The following COLGALT1 variants were observed in gnomAD, a reference collection of about 807,000 sequenced individuals.
COLGALT1 encodes the protein procollagen galactosyltransferase 1.
In COLGALT1, 43 loss-of-function variants were observed where a neutral mutation model predicts 60.8. That is an observed-to-expected ratio of 0.71 (90% CI 0.55 to 0.91). COLGALT1 has a LOEUF of 0.91. COLGALT1 is among the 40% of genes least tolerant of loss of function. The pLI, the probability that COLGALT1 is intolerant of heterozygous loss-of-function variation, is 0.00. For synonymous variants in COLGALT1, 369 were observed against 374.2 expected (o/e 0.99, Z 0.16); for missense variants, 845 against 880.0 (o/e 0.96, Z 0.50).
chr19:17,560,398 A>G lies in COLGALT1; in HGVS notation c.422A>G (p.Glu141Gly). The G allele has an allele frequency of 6.2e-7, 1 of 1,614,090 alleles. No homozygotes were observed. The highest frequency in any genetic ancestry group is 8.5e-7 in the Non-Finnish European group (1 of 1,180,010). ...AAACACTGGTCTGACTCACGCTACG[A>G]GCATGTCATGAAGTTGCGCCAGGCA... Reference protein sequence around the residue: ...GPKHWSDSRYEHVMKLRQAAL... With the variant: ...GPKHWSDSRYGHVMKLRQAAL... The change falls in exon 3 of 12, where the codon GAG becomes GGG. Residue 141 changes from glutamate to glycine, a missense_variant. Physicochemically the swap from Glu to Gly is moderately conservative, Grantham distance 98. Coordinates refer to ENST00000252599, the MANE Select transcript of COLGALT1 (RefSeq NM_024656.4).
intron 6 of COLGALT1, among the ~76,000 whole-genome samples, chr19:17,572,890 A>G (rs1202290706): frequency 6.6e-6 from 1 of 152,154 alleles, no homozygotes; most frequent in African/African-American, 2.4e-5. Context: ...AGGGGATTGC[A>G]GCAGGAGGTG....
At chr19:17,580,376 T>G in intron 10 of COLGALT1, 20 of 404,538 alleles carry the variant, frequency 4.9e-5, no homozygotes, top group East Asian at 1.0e-4. Flanking sequence ...TGCCCCCCCA[T>G]CAGGGCACCT....
intron 3 of COLGALT1, among the ~76,000 whole-genome samples, chr19:17,563,271 G>C (rs1311039754): frequency 2.2e-5 from 3 of 135,678 alleles, no homozygotes; most frequent in African/African-American, 8.5e-5. Flanking sequence ...GCTCACTGCA[G>C]CCTCCACCTC....
rs1568483085 is a variant in COLGALT1, at chr19:17,580,887, T to TGTGGG, written c.1585_1586insGGGGT (p.Phe529TrpfsTer42). On this transcript the variant is annotated frameshift_variant, in exon 11 of 12. Transcript: ENST00000252599. LOFTEE classifies it low-confidence loss of function (END_TRUNC). Reference sequence around the variant, plus strand: ...CCTGTGGACGAGTTCCTGCCCGTCATGTTCGACAAACACCCAGTGTGAGAG... The same window carrying TGTGGG: ...CCTGTGGACGAGTTCCTGCCCGTCATGTGGGGTTCGACAAACACCCAGTGTGAGAG... 1 of 1,613,866 alleles carries TGTGGG rather than the reference T, an allele frequency of 6.2e-7. No homozygotes were observed. Among genetic ancestry groups the TGTGGG allele is most frequent in the South Asian group, 1.1e-5 (1 of 91,058 alleles).
chr19:17,582,145 G>A lies in COLGALT1; in HGVS notation c.*701G>A, dbSNP rs1006460543. The A allele has an allele frequency of 6.6e-6, 1 of 152,290 alleles. No individual in the cohort carries two copies. Among genetic ancestry groups the A allele is most frequent in the Non-Finnish European group, 1.5e-5 (1 of 68,212 alleles). 9.4% of individuals were successfully genotyped at this position (152,290 alleles called of 1,614,324 possible). A position where few individuals can be genotyped will look rare whatever the true frequency, so the allele number is the denominator to read the frequency against. On this transcript the variant is annotated 3_prime_UTR_variant, in exon 12 of 12. Coordinates refer to ENST00000252599, the MANE Select transcript of COLGALT1 (RefSeq NM_024656.4). ...GCTGGTCTCGAACTCCTGACCTCAA[G>A]TGATCTGCCCGCCTTGGCCACCCAA...
chr19:17,559,797 T>G (rs1328307213), intron 2 of COLGALT1, among the ~76,000 whole-genome samples: 1 of 151,358 alleles, frequency 6.6e-6, no homozygotes. Flanking sequence ...GGGTTTTTGT[T>G]TTTTTTTTGA....
intron 1 of COLGALT1, among the ~76,000 whole-genome samples, chr19:17,558,087 G>A (rs1398741730): frequency 1.3e-5 from 2 of 151,822 alleles, no homozygotes; most frequent in Non-Finnish European, 2.9e-5. Context: ...ACAGGTGCCC[G>A]CCACCACACC....
At position 17,577,538 on chromosome 19, in the gene COLGALT1, G is replaced by A. The variant is rs578200003; in HGVS notation, c.1133+71G>A. On this transcript the variant is annotated intron_variant, in intron 8 of 11. Transcript: ENST00000252599. ...GTGGGTGTAGACCTCGCTGGTAGAC[G>A]GCAAGTGATTCAGATGGGGGCGGGC... is the stretch of plus-strand genomic sequence containing the variant. 1.9e-4 allele frequency: 252 copies of A among 1,328,852 alleles called. 2 individuals are homozygous for A. In the African/African-American group the frequency reaches 3.2e-3, roughly 17 times the overall value. The allele number at this position is 1,328,852 out of a possible 1,614,324, so 82.3% of individuals were successfully genotyped here. A position where few individuals can be genotyped will look rare whatever the true frequency, so the allele number is the denominator to read the frequency against.
At chr19:17,580,489 CCTCACGCCCTTTGGAAAAA>C (rs2076373629) in intron 10 of COLGALT1, 191 bp from the exon 11 acceptor site, 1 of 596,816 alleles carries the variant, frequency 1.7e-6, no homozygotes, top group South Asian at 2.0e-5. Flanking sequence ...TCCATGGCTC[CCTCACGCCCTTTGGAAAAA>C]CTCACTCTTC....
intron 1 of COLGALT1, among the ~76,000 whole-genome samples, chr19:17,557,479 T>C (rs1449038853): frequency 6.6e-6 from 1 of 152,132 alleles, no homozygotes; most frequent in Non-Finnish European, 1.5e-5. Context: ...TTTTTGTATT[T>C]TTAATAGAGT....
chr19:17,561,860 A>G (rs1351235903), intron 3 of COLGALT1, among the ~76,000 whole-genome samples: 1 of 151,898 alleles, frequency 6.6e-6, no homozygotes, highest in Non-Finnish European at 1.5e-5. Flanking sequence ...ATACTTTTCT[A>G]TATTCTCCTG....
At chr19:17,559,275 C>A in intron 1 of COLGALT1, 36 bp from the exon 2 acceptor site, 2 of 1,489,222 alleles carry the variant, frequency 1.3e-6, no homozygotes, top group South Asian at 1.2e-5. Context: ...CTGCCTCAGT[C>A]TCCCCAAGTA....
rs2076383820 is a variant in COLGALT1 at position 17,581,685 on chromosome 19, T to C, written c.*241T>C. ...TGGGAGGAACCAAGCCCTCTTCATC[T>C]GTTCATGTGCCCAGCATTTATTAAG... On this transcript the variant is annotated 3_prime_UTR_variant, in exon 12 of 12. Transcript: ENST00000252599. 1.7e-6 allele frequency: 1 copy of C among 577,988 alleles called. No individual in the cohort carries two copies. The highest frequency in any genetic ancestry group is 3.1e-6 in the Non-Finnish European group (1 of 325,982). 35.8% of individuals were successfully genotyped at this position (577,988 alleles called of 1,614,324 possible). A position where few individuals can be genotyped will look rare whatever the true frequency, so the allele number is the denominator to read the frequency against.
At chr19:17,557,428 G>C (rs2076219511) in intron 1 of COLGALT1, among the ~76,000 whole-genome samples, 1 of 152,022 alleles carries the variant, frequency 6.6e-6, no homozygotes, top group African/African-American at 2.4e-5. Flanking sequence ...AGCCTCCCGA[G>C]TAGCTTGGGA....
Position 17,580,659 on chromosome 19 carries a change from A to T in COLGALT1, c.1395-40A>T. On this transcript the variant is annotated intron_variant, in intron 10 of 11. Coordinates refer to ENST00000252599, the MANE Select transcript of COLGALT1 (RefSeq NM_024656.4). ...GGCTTTCTGGGCAAGCTCCCTCCGG[A>T]GGGCGGGAGGAGAGTGACAGGCCCG... The T allele has an allele frequency of 3.1e-6, 5 of 1,600,644 alleles. 1 individual carries two copies. The highest frequency in any genetic ancestry group is 1.3e-5 in the African/African-American group (1 of 74,694).
chr19:17,566,367 C>T (rs570982055), intron 3 of COLGALT1, among the ~76,000 whole-genome samples: 2 of 151,862 alleles, frequency 1.3e-5, no homozygotes, highest in African/African-American at 4.8e-5. Context: ...CTCAAAAAAA[C>T]AAAAACAAAA....
rs756570607 is a variant in COLGALT1 at position 17,581,354 on chromosome 19, G to A, written c.1779G>A (p.Lys593=). ...KTDWDRAKSQ[K]MREQQALSRE... ...ACTGGGACCGCGCCAAGTCCCAGAA[G>A]ATGCGGGAGCAGCAGGCACTGAGCC... The change falls in exon 12 of 12, where the codon AAG becomes AAA. Residue 593 remains lysine, a synonymous_variant. Transcript: ENST00000252599. 2.5e-6 allele frequency: 4 copies of A among 1,613,376 alleles called. No homozygotes were observed. The Admixed American group carries it at 5.0e-5, about 20-fold the overall frequency.
At chr19:17,580,650 T>G (rs190948163) in intron 10 of COLGALT1, 49 bp from the exon 11 acceptor site, 306 of 1,595,728 alleles carry the variant, frequency 1.9e-4, no homozygotes, top group Non-Finnish European at 2.4e-4. Flanking sequence ...CTGGGCAAGC[T>G]CCCTCCGGAG....
intron 2 of COLGALT1, among the ~76,000 whole-genome samples, chr19:17,559,936 T>C (rs1489788796): frequency 1.3e-5 from 2 of 152,092 alleles, no homozygotes; most frequent in East Asian, 3.9e-4. Context: ...TACAGGCACA[T>C]GTAACCATGC....
Sources: gnomAD v4.1 joint callset for allele counts (sites outside exome capture counted in the v4.1 genomes callset) on GRCh38, gnomAD v4.1.1 for gene constraint, MANE v1.5 for transcripts, NCBI Gene and HGNC (gene_info 2026-07-23, HGNC 2026-07-21) for gene names.